The following RGL1 variants were observed in gnomAD, a reference collection of about 807,000 sequenced individuals.
RGL1 encodes the protein ral guanine nucleotide dissociation stimulator like 1, also known as ral guanine nucleotide dissociation stimulator-like 1.
Under a neutral mutation model 95.2 loss-of-function variants are expected in RGL1, and 24 were observed. The observed-to-expected ratio is 0.25, with a 90% CI of 0.18 to 0.35. RGL1 has a LOEUF of 0.35. RGL1 is among the 10% of genes least tolerant of loss of function. The pLI is 1.00. For synonymous variants in RGL1, 329 were observed against 344.9 expected (o/e 0.95, Z 0.51); for missense variants, 715 against 936.3 (o/e 0.76, Z 3.08).
At chr1:183,638,034 A>G (rs1166501999) in intron 1 of RGL1, among the ~76,000 whole-genome samples, 6 of 152,188 alleles carry the variant, frequency 3.9e-5, no homozygotes, top group African/African-American at 9.6e-5. Context: ...CGAACATTAG[A>G]GGCACTATTG....
At chr1:183,660,802 T>C (rs993885152) in intron 1 of RGL1, among the ~76,000 whole-genome samples, 99 of 152,148 alleles carry the variant, frequency 6.5e-4, no homozygotes, top group Non-Finnish European at 1.1e-3. Flanking sequence ...GACCACATAG[T>C]TGGAAGTAAG....
At chr1:183,645,965 T>A (rs1650264948) in intron 1 of RGL1, among the ~76,000 whole-genome samples, 3 of 152,246 alleles carry the variant, frequency 2.0e-5, no homozygotes, top group Admixed American at 2.0e-4. Context: ...CCTTTTGTTA[T>A]ATACCACTGA....
chr1:183,890,544 A>G (rs1414608322), intron 8 of RGL1, among the ~76,000 whole-genome samples: 1 of 152,198 alleles, frequency 6.6e-6, no homozygotes, highest in Non-Finnish European at 1.5e-5. Context: ...TCAGCTTTAC[A>G]TGTTCTCCAT....
chr1:183,662,325 C>T (rs1020546466), intron 1 of RGL1, among the ~76,000 whole-genome samples: 2 of 151,362 alleles, frequency 1.3e-5, no homozygotes, highest in Non-Finnish European at 2.9e-5. Context: ...TTGTCTCAGC[C>T]CAAAATCTCC....
chr1:183,828,514 C>T (rs538216920), intron 2 of RGL1, among the ~76,000 whole-genome samples: 80 of 152,282 alleles, frequency 5.3e-4, no homozygotes, highest in African/African-American at 1.9e-3. Context: ...TGGTGCTGCT[C>T]CTTCCGTGAG....
At position 183,927,342 on chromosome 1, in the gene RGL1, G is replaced by A. The variant is rs530307984; in HGVS notation, c.*1050G>A. 5 of 152,480 alleles carry A rather than the reference G, an allele frequency of 3.3e-5. No homozygotes were observed. The highest frequency in any genetic ancestry group is 7.4e-5 in the Non-Finnish European group (5 of 68,022). 9.4% of individuals were successfully genotyped at this position (152,480 alleles called of 1,614,324 possible). A position where few individuals can be genotyped will look rare whatever the true frequency, so the allele number is the denominator to read the frequency against. On this transcript the variant is annotated 3_prime_UTR_variant, in exon 18 of 18. Transcript: ENST00000360851. The stretch of plus-strand genomic sequence containing the variant: ...GGAAATTTCTACTGCAATTGACTAC[G>A]TTTGATTATTTTGAGCTTGTGAAAG...
chr1:183,663,699 C>T (rs1651819909), intron 1 of RGL1, among the ~76,000 whole-genome samples: 1 of 151,676 alleles, frequency 6.6e-6, no homozygotes, highest in South Asian at 2.1e-4. Context: ...TTGACCCAGC[C>T]ATCCCATTAC....
intron 1 of RGL1, among the ~76,000 whole-genome samples, chr1:183,691,880 A>C (rs773458765): frequency 2.6e-5 from 4 of 152,148 alleles, no homozygotes; most frequent in Non-Finnish European, 5.9e-5. Context: ...AAATGCTCAG[A>C]TCATACAATT....
rs996683129 is a variant in RGL1 at position 183,795,467 on chromosome 1, G to C, written c.133-10908G>C. On this transcript the variant is annotated intron_variant, in intron 2 of 18. Coordinates refer to the RGL1 transcript ENST00000304685. ...TGAGGTGGGAGAGGAGAACAGGGAAGGATGTCCCAAAGATGGAGAACCACA... is the reference window on the plus strand; with the variant it reads ...TGAGGTGGGAGAGGAGAACAGGGAACGATGTCCCAAAGATGGAGAACCACA... Among the ~76,000 whole-genome samples the C allele has an allele frequency of 2.0e-5, 3 of 152,340 alleles. No individual in the cohort carries two copies. The South Asian group carries it at 6.2e-4, about 32-fold the overall frequency.
rs146574503 is a variant in RGL1, at chr1:183,648,332, A to G, written c.-33+11831A>G. The G allele has an allele frequency of 5.7e-5, 92 of 1,614,184 alleles. No individual in the cohort carries two copies. In the African/African-American group the frequency reaches 1.0e-3, roughly 18 times the overall value. On this transcript the variant is annotated intron_variant, in intron 1 of 18. Coordinates refer to the RGL1 transcript ENST00000304685. Reference sequence around the variant, plus strand: ...GATAGAGCTGAGAAAAATAAATACTAAGAGTGATGCCTGGATACGTAATCA... The same window carrying G: ...GATAGAGCTGAGAAAAATAAATACTGAGAGTGATGCCTGGATACGTAATCA...
intron 4 of RGL1, among the ~76,000 whole-genome samples, chr1:183,879,909 A>G (rs1558267340): frequency 6.6e-6 from 1 of 152,250 alleles, no homozygotes; most frequent in East Asian, 1.9e-4. Context: ...TGTGCCCTGG[A>G]ACCTTGTCTT....
chr1:183,792,049 T>C (rs1451440143), intron 2 of RGL1, among the ~76,000 whole-genome samples: 1 of 152,160 alleles, frequency 6.6e-6, no homozygotes, highest in Non-Finnish European at 1.5e-5. Context: ...CCAATTTCTT[T>C]ATCCCCAGAA....
intron 14 of RGL1, among the ~76,000 whole-genome samples, chr1:183,911,239 C>T (rs1668625315): frequency 6.6e-6 from 1 of 152,236 alleles, no homozygotes; most frequent in Non-Finnish European, 1.5e-5. Context: ...AGACCCAGCT[C>T]ACACATGACT....
At chr1:183,651,006 T>C (rs981075790) in intron 1 of RGL1, among the ~76,000 whole-genome samples, 1 of 152,198 alleles carries the variant, frequency 6.6e-6, no homozygotes, top group Non-Finnish European at 1.5e-5. Flanking sequence ...TTGCAAGACA[T>C]TTTTATGCAT....
rs1669309669 is a variant in RGL1 at position 183,921,553 on chromosome 1, G to A, written c.2005-669G>A. Among the ~76,000 whole-genome samples the A allele has an allele frequency of 2.6e-5, 4 of 152,274 alleles. No individual in the cohort carries two copies. In the South Asian group the frequency reaches 8.3e-4, roughly 32 times the overall value. The stretch of plus-strand genomic sequence containing the variant: ...GAGATTCACCTGCATTGTTGCATGT[G>A]CCAGTTCTTAGTTCCCTTCAGTTGC... On this transcript the variant is annotated intron_variant, in intron 16 of 17. Transcript: ENST00000360851.
chr1:183,805,961 C>CTTTTTTTTTTTTTTTTTTTTT (rs1290429659), intron 1 of RGL1, among the ~76,000 whole-genome samples: 1 of 43,338 alleles, frequency 2.3e-5, no homozygotes, highest in Non-Finnish European at 4.4e-5. Context: ...TTTTCTTTTT[C>CTTTTTTTTTTTTTTTTTTTTT]TTTTCTTTTC....
At chr1:183,855,508 A>C (rs113026466) in intron 3 of RGL1, among the ~76,000 whole-genome samples, 2 of 152,262 alleles carry the variant, frequency 1.3e-5, no homozygotes, top group African/African-American at 2.4e-5. Flanking sequence ...TCATGCTGGC[A>C]TGCAGTGTTC....
chr1:183,693,393 T>C (rs1654073064), intron 1 of RGL1, among the ~76,000 whole-genome samples: 1 of 152,152 alleles, frequency 6.6e-6, no homozygotes, highest in Non-Finnish European at 1.5e-5. Flanking sequence ...AGGCACATTT[T>C]ACCTGGAAGC....
At chr1:183,670,470 G>A (rs1270562129) in intron 1 of RGL1, among the ~76,000 whole-genome samples, 4 of 152,224 alleles carry the variant, frequency 2.6e-5, no homozygotes, top group African/African-American at 9.7e-5. Context: ...GCATAAAAGT[G>A]TGGAAGCCCC....
Sources: gnomAD v4.1 joint callset for allele counts (sites outside exome capture counted in the v4.1 genomes callset) on GRCh38, gnomAD v4.1.1 for gene constraint, MANE v1.5 for transcripts, NCBI Gene and HGNC (gene_info 2026-07-23, HGNC 2026-07-21) for gene names.